XKR6: variants seen among roughly 807,000 people sequenced by gnomAD.
XKR6 encodes the protein XK-related protein 6.
In XKR6, 22 loss-of-function variants were observed where a neutral mutation model predicts 56.7. The ratio of observed to expected loss-of-function variants is 0.39; its 90% CI spans 0.28 to 0.55. The LOEUF (loss-of-function observed/expected upper bound fraction) is 0.55. XKR6 is among the 20% of genes least tolerant of loss of function. XKR6 has a pLI of 0.66. For synonymous variants in XKR6, 524 were observed against 387.8 expected (o/e 1.35, Z -4.13); for missense variants, 852 against 889.0 (o/e 0.96, Z 0.53).
chr8:11,083,902 C>T (rs58384240), intron 1 of XKR6, among the ~76,000 whole-genome samples: 2,789 of 151,768 alleles, frequency 0.018, 96 homozygotes, highest in African/African-American at 0.064. Flanking sequence ...GTTCTTGAGA[C>T]AGATTGTAAG....
At position 10,989,402 on chromosome 8, in the gene XKR6, C is replaced by T. The variant is rs961566323; in HGVS notation, c.765-64572G>A. 3.9e-5 allele frequency among the ~76,000 whole-genome samples: 6 copies of T among 152,268 alleles called. No homozygotes were observed. The South Asian group carries it at 1.2e-3, about 32-fold the overall frequency. ...TCATAGTTAACTAAAACTTAACTAG[C>T]CCGAAATCACAAACCATATGAGACC... On this transcript the variant is annotated intron_variant, in intron 1 of 2. Coordinates refer to ENST00000416569, the MANE Select transcript of XKR6 (RefSeq NM_173683.4).
chr8:11,139,889 A>G (rs1022350774), intron 1 of XKR6, among the ~76,000 whole-genome samples: 1 of 152,208 alleles, frequency 6.6e-6, no homozygotes, highest in Non-Finnish European at 1.5e-5. Flanking sequence ...CAGACAAGGA[A>G]AGCACACTGA....
At chr8:11,145,733 T>C (rs536949894) in intron 1 of XKR6, among the ~76,000 whole-genome samples, 1 of 152,318 alleles carries the variant, frequency 6.6e-6, no homozygotes, top group African/African-American at 2.4e-5. Context: ...ATACGCCATA[T>C]TCATGGGTCA....
chr8:11,104,871 T>C (rs979323568), intron 1 of XKR6: 1 of 152,224 alleles, frequency 6.6e-6, no homozygotes, highest in Non-Finnish European at 1.5e-5. Context: ...CTTTGCGTTA[T>C]GTGAGGTTTC....
intron 1 of XKR6, among the ~76,000 whole-genome samples, chr8:11,065,039 A>T (rs1357910800): frequency 6.6e-6 from 1 of 152,232 alleles, no homozygotes; most frequent in African/African-American, 2.4e-5. Flanking sequence ...AAAGGATATG[A>T]CACAGCATAA....
rs142249683 is a variant in XKR6, at chr8:10,994,783, C to G, written c.765-69953G>C. Among the ~76,000 whole-genome samples the G allele has an allele frequency of 6.1e-3, 934 of 152,306 alleles. 21 individuals are homozygous for G. The highest frequency in any genetic ancestry group is 0.037 in the East Asian group (193 of 5,190). On this transcript the variant is annotated intron_variant, in intron 1 of 2. Transcript: ENST00000416569. ...TTAGCAATTTGTCTGAGTTATGGAA[C>G]TAATTAACAATACAGCCAGAATGCA...
intron 1 of XKR6, among the ~76,000 whole-genome samples, chr8:11,063,937 C>T (rs574372950): frequency 3.3e-5 from 5 of 152,312 alleles, no homozygotes; most frequent in African/African-American, 9.6e-5. Context: ...TAATTTCCCT[C>T]AATCTTCTGA....
At chr8:10,992,881 C>T (rs972534863) in intron 1 of XKR6, among the ~76,000 whole-genome samples, 45 of 152,306 alleles carry the variant, frequency 3.0e-4, no homozygotes, top group Middle Eastern at 3.4e-3. Context: ...TCACGAAGTT[C>T]CCGAATGGTG....
At chr8:10,982,485 A>G (rs1797757602) in intron 1 of XKR6, among the ~76,000 whole-genome samples, 1 of 152,220 alleles carries the variant, frequency 6.6e-6, no homozygotes, top group African/African-American at 2.4e-5. Flanking sequence ...GCTTCTCTAC[A>G]GTCTGTACCT....
chr8:10,948,360 T>C (rs1482269298), intron 1 of XKR6, among the ~76,000 whole-genome samples: 1 of 152,178 alleles, frequency 6.6e-6, no homozygotes, highest in African/African-American at 2.4e-5. Flanking sequence ...GCACCGCATC[T>C]GCTGTGTGTG....
intron 1 of XKR6, among the ~76,000 whole-genome samples, chr8:11,117,093 A>G (rs1799218724): frequency 6.6e-6 from 1 of 152,232 alleles, no homozygotes; most frequent in South Asian, 2.1e-4. Flanking sequence ...TCAAACTTCT[A>G]TAAAAACAAA....
At chr8:11,187,464 G>C in intron 1 of XKR6, among the ~76,000 whole-genome samples, 1 of 152,158 alleles carries the variant, frequency 6.6e-6, no homozygotes, top group African/African-American at 2.4e-5. Context: ...TCCGGGACAT[G>C]GATTCCTTCC....
chr8:10,914,938 T>G (rs1399909605), intron 2 of XKR6, among the ~76,000 whole-genome samples: 1 of 152,182 alleles, frequency 6.6e-6, no homozygotes, highest in East Asian at 1.9e-4. Flanking sequence ...CAGGACACTG[T>G]CCTCCAGGTG....
chr8:10,948,195 G>T (rs146972090), intron 1 of XKR6, among the ~76,000 whole-genome samples: 42 of 152,298 alleles, frequency 2.8e-4, no homozygotes, highest in African/African-American at 9.9e-4. Flanking sequence ...CTGGGCTTCA[G>T]AGAGGTTTGG....
At chr8:10,940,927 G>T (rs891886605) in intron 1 of XKR6, among the ~76,000 whole-genome samples, 3 of 152,176 alleles carry the variant, frequency 2.0e-5, no homozygotes, top group Non-Finnish European at 4.4e-5. Flanking sequence ...TCAGCTCCAG[G>T]CTTGGTTATG....
intron 1 of XKR6, among the ~76,000 whole-genome samples, chr8:11,174,287 T>C (rs925057927): frequency 6.6e-5 from 10 of 152,256 alleles, no homozygotes; most frequent in South Asian, 4.1e-4. Context: ...TCCTCTCTCT[T>C]CCAGATGGCA....
chr8:10,923,151 C>T (rs1300487486), intron 2 of XKR6, among the ~76,000 whole-genome samples: 1 of 152,226 alleles, frequency 6.6e-6, no homozygotes, highest in Non-Finnish European at 1.5e-5. Flanking sequence ...TTGTGGCTGC[C>T]TTGAGCATGC....
chr8:11,102,509 G>A (rs75782340), intron 1 of XKR6, among the ~76,000 whole-genome samples: 1,696 of 152,274 alleles, frequency 0.011, 37 homozygotes, highest in African/African-American at 0.037. Flanking sequence ...AAAAGGTGGG[G>A]ACAGACAGGA....
intron 2 of XKR6, among the ~76,000 whole-genome samples, chr8:10,908,996 C>A (rs1316855154): frequency 6.6e-6 from 1 of 152,178 alleles, no homozygotes; most frequent in Non-Finnish European, 1.5e-5. Flanking sequence ...GAAACCGCAT[C>A]TCTACTAAAA....
Sources: gnomAD v4.1 joint callset for allele counts (sites outside exome capture counted in the v4.1 genomes callset) on GRCh38, gnomAD v4.1.1 for gene constraint, MANE v1.5 for transcripts, NCBI Gene and HGNC (gene_info 2026-07-23, HGNC 2026-07-21) for gene names.